The following UBE2G1 variants were observed in gnomAD, a reference collection of about 807,000 sequenced individuals.
UBE2G1 encodes ubiquitin conjugating enzyme E2 G1.
A neutral mutation model predicts 22.7 loss-of-function variants in UBE2G1; 5 were observed. That is an observed-to-expected ratio of 0.22 (90% confidence interval 0.12 to 0.46). The LOEUF (loss-of-function observed/expected upper bound fraction) is 0.46. Ranked by LOEUF, UBE2G1 falls within the 20% of genes least tolerant of loss-of-function variation. UBE2G1 has a pLI of 0.99. For missense variants in UBE2G1, 88 were observed against 203.9 expected (o/e 0.43, Z 3.46); for synonymous variants, 74 against 67.5 (o/e 1.10, Z -0.47).
At chr17:4,361,079 T>C (rs928094167) in intron 1 of UBE2G1, among the ~76,000 whole-genome samples, 2 of 151,206 alleles carry the variant, frequency 1.3e-5, no homozygotes, top group African/African-American at 2.4e-5. Context: ...AAAAATTAGC[T>C]GGGCGTGGTG....
At chr17:4,363,964 A>C (rs1385479875) in intron 1 of UBE2G1, among the ~76,000 whole-genome samples, 1 of 144,138 alleles carries the variant, frequency 6.9e-6, no homozygotes, top group Non-Finnish European at 1.5e-5. Flanking sequence ...AAAAAAAAAA[A>C]AAAAAAAAAA....
intron 1 of UBE2G1, among the ~76,000 whole-genome samples, chr17:4,326,158 C>CA (rs752681478): frequency 6.6e-6 from 1 of 151,658 alleles, no homozygotes; most frequent in African/African-American, 2.4e-5. Context: ...AAGCAACCCC[C>CA]AAAAAAATGG....
Position 4,366,253 on chromosome 17 carries a change from C to A in UBE2G1, c.46+18G>T. ...GCGATCGCGGCCGGGCCCGGCGCCC[C>A]GCCGCCCGCCTGCTCACCTGCCAGC... On this transcript the variant is annotated intron_variant, in intron 1 of 5. Transcript: ENST00000396981. 1.3e-6 allele frequency: 2 copies of A among 1,534,660 alleles called. No homozygotes were observed. Among genetic ancestry groups the A allele is most frequent in the Non-Finnish European group, 1.7e-6 (2 of 1,150,996 alleles).
chr17:4,278,416 C>G (rs969789916), intron 5 of UBE2G1, among the ~76,000 whole-genome samples: 3 of 151,844 alleles, frequency 2.0e-5, no homozygotes, highest in African/African-American at 7.3e-5. Flanking sequence ...CTAACACTAA[C>G]CACAGCTGAT....
At chr17:4,316,973 G>A (rs1031019867) in intron 1 of UBE2G1, among the ~76,000 whole-genome samples, 36 of 151,184 alleles carry the variant, frequency 2.4e-4, no homozygotes, top group Non-Finnish European at 4.4e-4. Flanking sequence ...GGCCAGGCTC[G>A]GTGGCCTCTA....
intron 4 of UBE2G1, among the ~76,000 whole-genome samples, chr17:4,285,786 C>A (rs1032133486): frequency 2.0e-5 from 3 of 151,960 alleles, no homozygotes; most frequent in Non-Finnish European, 4.4e-5. Flanking sequence ...CCCATCTCTA[C>A]TAAAAATACA....
intron 1 of UBE2G1, among the ~76,000 whole-genome samples, chr17:4,356,071 AAAG>A (rs1969902902): frequency 6.7e-6 from 1 of 149,746 alleles, no homozygotes; most frequent in Non-Finnish European, 1.5e-5. Flanking sequence ...AAAAAAAAAA[AAAG>A]GCCAGGCACG....
chr17:4,346,877 ACG>A (rs1969783257), intron 1 of UBE2G1, among the ~76,000 whole-genome samples: 1 of 151,842 alleles, frequency 6.6e-6, no homozygotes, highest in African/African-American at 2.4e-5. Context: ...ACAGGATCAG[ACG>A]CGGTGGCTCA....
At chr17:4,313,524 CCTCT>C (rs1304417695) in intron 1 of UBE2G1, among the ~76,000 whole-genome samples, 30 of 152,126 alleles carry the variant, frequency 2.0e-4, no homozygotes, top group Non-Finnish European at 4.3e-4. Context: ...GCTAGAAAGA[CCTCT>C]CTTTCTCACA....
chr17:4,343,811 T>C (rs1368428034), intron 1 of UBE2G1, among the ~76,000 whole-genome samples: 1 of 151,952 alleles, frequency 6.6e-6, no homozygotes, highest in Non-Finnish European at 1.5e-5. Flanking sequence ...ATGGTCTCGA[T>C]CTCCTGACCT....
intron 3 of UBE2G1, among the ~76,000 whole-genome samples, chr17:4,290,817 CTA>C (rs1598182095): frequency 1.4e-5 from 2 of 140,008 alleles, no homozygotes; most frequent in East Asian, 4.3e-4. Context: ...TATAGTCTTA[CTA>C]TATTGCCCAG....
chr17:4,333,216 A>G (rs1389728966), intron 1 of UBE2G1, among the ~76,000 whole-genome samples: 1 of 152,198 alleles, frequency 6.6e-6, no homozygotes, highest in Admixed American at 6.5e-5. Flanking sequence ...ACCTATCGCA[A>G]TATTGAGTAA....
rs532873869 is a variant in UBE2G1, at chr17:4,282,141, G to A, written c.*37+657C>T. Among the ~76,000 whole-genome samples the A allele has an allele frequency of 1.1e-4, 17 of 152,164 alleles. No homozygotes were observed. In the South Asian group the frequency reaches 1.9e-3, roughly 17 times the overall value. ...TCTGTTGTCCAGGCTGTAGTGCCAC[G>A]GTGCAATCTTGGCTCACTGCAACCT... On this transcript the variant is annotated intron_variant, in intron 5 of 5. Transcript: ENST00000396981.
chr17:4,335,045 GA>G (rs1419090197), intron 1 of UBE2G1, among the ~76,000 whole-genome samples: 2 of 152,000 alleles, frequency 1.3e-5, no homozygotes, highest in African/African-American at 2.4e-5. Flanking sequence ...GAGCACAGCA[GA>G]AAAGAACAAA....
At chr17:4,329,271 T>C (rs1332820254) in intron 1 of UBE2G1, among the ~76,000 whole-genome samples, 1 of 151,488 alleles carries the variant, frequency 6.6e-6, no homozygotes, top group Non-Finnish European at 1.5e-5. Context: ...TGGTGGAGTG[T>C]GCCTGTAGTC....
rs1195720643 is a variant in UBE2G1 at position 4,363,950 on chromosome 17, C to CAAAAA, written c.46+2316_46+2320dup. Reference sequence around the variant, plus strand: ...TGGGCAACAGAGTAAGACTCCGTCTCAAAAAAAAAAAAAAAAAAAAAAAAA... The same window carrying CAAAAA: ...TGGGCAACAGAGTAAGACTCCGTCTCAAAAAAAAAAAAAAAAAAAAAAAAAAAAAA... On this transcript the variant is annotated intron_variant, in intron 1 of 5. Transcript: ENST00000396981. Among the ~76,000 whole-genome samples, 80 of 43,904 alleles carry CAAAAA rather than the reference C, an allele frequency of 1.8e-3. 8 individuals carry two copies. The highest frequency in any genetic ancestry group is 6.7e-3 in the African/African-American group (75 of 11,204). 28.8% of individuals were successfully genotyped at this position (43,904 alleles called of 152,430 possible). A position where few individuals can be genotyped will look rare whatever the true frequency, so the allele number is the denominator to read the frequency against.
chr17:4,329,930 A>G (rs536365001), intron 1 of UBE2G1, among the ~76,000 whole-genome samples: 115 of 152,252 alleles, frequency 7.6e-4, no homozygotes, highest in Admixed American at 1.6e-3. Flanking sequence ...GAATTAAGCC[A>G]AACAGTGAGA....
chr17:4,309,145 A>G (rs1969279768), intron 1 of UBE2G1, among the ~76,000 whole-genome samples: 1 of 152,220 alleles, frequency 6.6e-6, no homozygotes, highest in Non-Finnish European at 1.5e-5. Context: ...CTGTAATCCC[A>G]GCTACTCAGA....
chr17:4,315,816 TTC>T (rs1422283449), intron 1 of UBE2G1, among the ~76,000 whole-genome samples: 113 of 97,154 alleles, frequency 1.2e-3, no homozygotes, highest in African/African-American at 3.4e-3. Context: ...TTTTTTTTTT[TTC>T]CTCCCTGAGA....
Sources: allele counts gnomAD v4.1 joint callset (sites outside exome capture counted in the v4.1 genomes callset), GRCh38; gene constraint gnomAD v4.1.1; transcripts MANE v1.5; gene names NCBI Gene and HGNC (gene_info 2026-07-23, HGNC 2026-07-21).